The following ASCC3 variants were observed in gnomAD, a reference collection of about 807,000 sequenced individuals.
ASCC3 encodes activating signal cointegrator 1 complex subunit 3.
In ASCC3, 158 loss-of-function variants were observed where a neutral mutation model predicts 256.3. That is an observed-to-expected ratio of 0.62 (90% confidence interval 0.54 to 0.70). The LOEUF (loss-of-function observed/expected upper bound fraction) is 0.70. ASCC3 is among the 30% of genes least tolerant of loss of function. ASCC3 has a pLI of 0.00. For synonymous variants in ASCC3, 948 were observed against 883.4 expected, an observed-to-expected ratio of 1.07 and a Z score of -1.30; for missense variants, 2,259 against 2,626.0, an observed-to-expected ratio of 0.86 and a Z score of 3.05.
At chr6:100,578,837 G>T (rs955527974) in intron 36 of ASCC3, among the ~76,000 whole-genome samples, 4 of 151,980 alleles carry the variant, frequency 2.6e-5, no homozygotes, top group Non-Finnish European at 4.4e-5. Context: ...TTGAGAAATC[G>T]ACACACTGCT....
chr6:100,582,602 G>A (rs1347883128), intron 36 of ASCC3, among the ~76,000 whole-genome samples: 1 of 151,978 alleles, frequency 6.6e-6, no homozygotes, highest in African/African-American at 2.4e-5. Flanking sequence ...TAAATGCCCT[G>A]GCCAGAACTT....
At chr6:100,562,065 T>G (rs1315262287) in intron 36 of ASCC3, among the ~76,000 whole-genome samples, 2 of 152,092 alleles carry the variant, frequency 1.3e-5, no homozygotes, top group East Asian at 3.8e-4. Flanking sequence ...TAAAGCACAA[T>G]GAGCTCTAAC....
intron 8 of ASCC3, among the ~76,000 whole-genome samples, chr6:100,796,114 A>C (rs1366709909): frequency 1.3e-5 from 2 of 148,656 alleles, no homozygotes; most frequent in East Asian, 3.8e-4. Flanking sequence ...AATCACTACA[A>C]TCAGATGGCT....
intron 25 of ASCC3, among the ~76,000 whole-genome samples, chr6:100,633,700 T>C (rs940768870): frequency 5.5e-5 from 8 of 144,566 alleles, no homozygotes; most frequent in African/African-American, 2.1e-4. Context: ...ACCCCGTCAC[T>C]ACTAAAAAAA....
chr6:100,627,456 G>A, intron 29 of ASCC3, 134 bp downstream of exon 29: 1 of 1,178,956 alleles, frequency 8.5e-7, no homozygotes, highest in Non-Finnish European at 1.2e-6. Flanking sequence ...CTTAACAGTT[G>A]AGACAAACAG....
In ASCC3 at chr6:100,565,890, G is replaced by A. The variant is rs138341627; in HGVS notation, c.5550+23744C>T. ...GCCTCTTAAGAGCAAAGATTACTTG[G>A]CAGCATAATAGTCACAAGACTGTGT... is the stretch of plus-strand genomic sequence containing the variant. On this transcript the variant is annotated intron_variant, in intron 36 of 41. Transcript: ENST00000369162. Among the ~76,000 whole-genome samples the A allele has an allele frequency of 3.9e-3, 591 of 152,088 alleles. 5 individuals are homozygous for A. The highest frequency in any genetic ancestry group is 0.014 in the African/African-American group (568 of 41,498).
chr6:100,705,855 T>C (rs1778555779), intron 13 of ASCC3, among the ~76,000 whole-genome samples: 1 of 152,002 alleles, frequency 6.6e-6, no homozygotes, highest in African/African-American at 2.4e-5. Flanking sequence ...GGAAAGCATA[T>C]TTATGAAATA....
At chr6:100,558,763 A>T (rs1346286720) in intron 36 of ASCC3, among the ~76,000 whole-genome samples, 2 of 152,018 alleles carry the variant, frequency 1.3e-5, no homozygotes, top group Admixed American at 1.3e-4. Flanking sequence ...AGGCTTCTTA[A>T]CTCCTCAGTT....
intron 36 of ASCC3, among the ~76,000 whole-genome samples, chr6:100,587,755 C>A (rs547660344): frequency 3.3e-5 from 5 of 152,240 alleles, no homozygotes; most frequent in Middle Eastern, 6.8e-3. Context: ...CAAAAATATA[C>A]CGGCATAACT....
intron 30 of ASCC3, among the ~76,000 whole-genome samples, chr6:100,617,003 T>C (rs1773696799): frequency 6.6e-6 from 1 of 151,950 alleles, no homozygotes; most frequent in Non-Finnish European, 1.5e-5. Context: ...GTTGTTGTTG[T>C]TGTTGTTGTT....
At chr6:100,599,884 C>G (rs1195487654) in intron 34 of ASCC3, among the ~76,000 whole-genome samples, 2 of 152,044 alleles carry the variant, frequency 1.3e-5, no homozygotes, top group Non-Finnish European at 2.9e-5. Flanking sequence ...GAGTCCAGAA[C>G]AGCAGCTCAA....
At chr6:100,817,205 C>T (rs1467004829) in intron 4 of ASCC3, among the ~76,000 whole-genome samples, 1 of 151,554 alleles carries the variant, frequency 6.6e-6, no homozygotes, top group Admixed American at 6.6e-5. Flanking sequence ...GGAAAACTTA[C>T]AAATACGTGT....
At chr6:100,689,730 C>T (rs2114982169) in intron 13 of ASCC3, among the ~76,000 whole-genome samples, 1 of 152,218 alleles carries the variant, frequency 6.6e-6, no homozygotes, top group South Asian at 2.1e-4. Context: ...AGGTAACAAG[C>T]AAACTTCCAA....
chr6:100,718,900 A>G (rs928328194), intron 11 of ASCC3, among the ~76,000 whole-genome samples: 10 of 152,198 alleles, frequency 6.6e-5, no homozygotes, highest in African/African-American at 2.2e-4. Flanking sequence ...AAAAGATAAA[A>G]CCAAGGGATG....
chr6:100,746,914 G>C (rs1436903129), intron 10 of ASCC3, among the ~76,000 whole-genome samples: 1 of 152,012 alleles, frequency 6.6e-6, no homozygotes. Flanking sequence ...CAATAGAGGT[G>C]TCAAGTCAAT....
chr6:100,687,329 T>C (rs1777624499), intron 13 of ASCC3, among the ~76,000 whole-genome samples: 1 of 152,100 alleles, frequency 6.6e-6, no homozygotes, highest in Non-Finnish European at 1.5e-5. Flanking sequence ...TTGTATCGTT[T>C]GTCTTACCCA....
At chr6:100,783,744 C>T (rs545530633) in intron 8 of ASCC3, among the ~76,000 whole-genome samples, 1 of 152,304 alleles carries the variant, frequency 6.6e-6, no homozygotes, top group East Asian at 1.9e-4. Context: ...AATGTGATTT[C>T]TAATGCTCTT....
At chr6:100,854,438 TGAAG>T (rs1772840119) in intron 3 of ASCC3, among the ~76,000 whole-genome samples, 1 of 152,172 alleles carries the variant, frequency 6.6e-6, no homozygotes, top group Non-Finnish European at 1.5e-5. Context: ...TATAGTAATT[TGAAG>T]GAGTTACTTA....
intron 37 of ASCC3, among the ~76,000 whole-genome samples, chr6:100,536,801 G>A (rs1161168692): frequency 6.6e-6 from 1 of 152,066 alleles, no homozygotes; most frequent in East Asian, 1.9e-4. Context: ...TCTAATAAAA[G>A]GAACCAAGTT....
Sources: allele counts gnomAD v4.1 joint callset (sites outside exome capture counted in the v4.1 genomes callset), GRCh38; gene constraint gnomAD v4.1.1; transcripts MANE v1.5; gene names NCBI Gene and HGNC (gene_info 2026-07-23, HGNC 2026-07-21).